FHIT: variants seen among roughly 807,000 people sequenced by gnomAD.
FHIT encodes the protein bis(5'-adenosyl)-triphosphatase.
FHIT carries 19 observed loss-of-function variants against 17.9 expected under a neutral mutation model. The observed-to-expected ratio is 1.06, with a 90% CI of 0.74 to 1.56. The LOEUF is 1.56. Ranked by LOEUF, FHIT falls within the 40% of genes most tolerant of loss-of-function variation. The pLI, the probability that FHIT is intolerant of heterozygous loss-of-function variation, is 0.00. For synonymous variants in FHIT, 81 were observed against 69.7 expected, an observed-to-expected ratio of 1.16 and a Z score of -0.81; for missense variants, 248 against 189.2, an observed-to-expected ratio of 1.31 and a Z score of -1.82.
At chr3:60,560,705 G>A (rs1483915379) in intron 4 of FHIT, among the ~76,000 whole-genome samples, 1 of 151,852 alleles carries the variant, frequency 6.6e-6, no homozygotes, top group Non-Finnish European at 1.5e-5. Context: ...CACAGAAAGA[G>A]GACAGAATAG....
chr3:61,041,693 A>AG (rs1169842286), intron 3 of FHIT, among the ~76,000 whole-genome samples: 11 of 152,274 alleles, frequency 7.2e-5, no homozygotes, highest in East Asian at 1.9e-4. Context: ...CAAAAAAAAA[A>AG]AAAATCCGCT....
chr3:60,504,457 T>G (rs2034649254), intron 5 of FHIT, among the ~76,000 whole-genome samples: 1 of 152,048 alleles, frequency 6.6e-6, no homozygotes, highest in Non-Finnish European at 1.5e-5. Context: ...TTTTTTTGGT[T>G]CAACAAAGCT....
intron 5 of FHIT, among the ~76,000 whole-genome samples, chr3:60,406,484 A>AT: frequency 6.6e-6 from 1 of 152,214 alleles, no homozygotes; most frequent in African/African-American, 2.4e-5. Flanking sequence ...TATGCAGGAA[A>AT]GCGAAAGAGA....
chr3:60,060,100 G>A (rs1338738407), intron 5 of FHIT, among the ~76,000 whole-genome samples: 4 of 152,024 alleles, frequency 2.6e-5, no homozygotes, highest in African/African-American at 9.7e-5. Context: ...CAACAGGAAA[G>A]TGACGTTATT....
At chr3:60,417,841 G>C (rs577098403) in intron 5 of FHIT, among the ~76,000 whole-genome samples, 2 of 152,160 alleles carry the variant, frequency 1.3e-5, no homozygotes, top group African/African-American at 4.8e-5. Context: ...GGCTGTAATG[G>C]ATCCCAGAGG....
intron 2 of FHIT, among the ~76,000 whole-genome samples, chr3:61,193,374 C>T (rs769955795): frequency 6.6e-6 from 1 of 152,130 alleles, no homozygotes; most frequent in Non-Finnish European, 1.5e-5. Flanking sequence ...AAAATGACTA[C>T]CAAGGCCTTG....
At chr3:60,440,584 G>A (rs1282314775) in intron 5 of FHIT, among the ~76,000 whole-genome samples, 2 of 152,020 alleles carry the variant, frequency 1.3e-5, no homozygotes, top group South Asian at 2.1e-4. Flanking sequence ...GAACCTCAGC[G>A]TTAAAAACTT....
At chr3:60,215,269 A>G (rs1057235660) in intron 5 of FHIT, among the ~76,000 whole-genome samples, 5 of 152,188 alleles carry the variant, frequency 3.3e-5, no homozygotes, top group African/African-American at 1.2e-4. Flanking sequence ...AGGCAAGTGG[A>G]TCATGAGGTC....
intron 3 of FHIT, among the ~76,000 whole-genome samples, chr3:60,889,094 C>T (rs1489633903): frequency 6.6e-6 from 1 of 152,236 alleles, no homozygotes; most frequent in Non-Finnish European, 1.5e-5. Context: ...CGATCACCTA[C>T]TCCACCCTGA....
intron 3 of FHIT, among the ~76,000 whole-genome samples, chr3:60,871,869 C>T (rs1265776064): frequency 6.6e-6 from 1 of 151,828 alleles, no homozygotes; most frequent in East Asian, 1.9e-4. Flanking sequence ...TGCTTTGTTG[C>T]CCAGGTTGGT....
At chr3:61,081,910 C>T (rs906717976) in intron 2 of FHIT, among the ~76,000 whole-genome samples, 4 of 152,090 alleles carry the variant, frequency 2.6e-5, no homozygotes, top group Non-Finnish European at 4.4e-5. Flanking sequence ...ACTAACACTC[C>T]CATATTAAAT....
intron 5 of FHIT, among the ~76,000 whole-genome samples, chr3:60,173,438 T>C (rs1055404141): frequency 1.3e-5 from 2 of 152,182 alleles, no homozygotes; most frequent in Non-Finnish European, 2.9e-5. Context: ...TTCCATTTTT[T>C]AGTGGCTTAT....
chr3:60,447,070 T>C (rs193173022), intron 5 of FHIT, among the ~76,000 whole-genome samples: 154 of 152,046 alleles, frequency 1.0e-3, no homozygotes, highest in African/African-American at 3.6e-3. Flanking sequence ...TAGCTGCCTG[T>C]TTTCTCAACT....
intron 5 of FHIT, among the ~76,000 whole-genome samples, chr3:60,351,398 G>C (rs373949041): frequency 6.6e-6 from 1 of 152,182 alleles, no homozygotes; most frequent in African/African-American, 2.4e-5. Flanking sequence ...ATAGTGGAAA[G>C]AGAGGTCTGG....
intron 3 of FHIT, among the ~76,000 whole-genome samples, chr3:60,978,300 G>T (rs1710348314): frequency 3.9e-5 from 6 of 152,200 alleles, no homozygotes; most frequent in Admixed American, 3.3e-4. Context: ...TTCTAGAGTG[G>T]GGCCTCAAAT....
intron 5 of FHIT, among the ~76,000 whole-genome samples, chr3:60,442,950 G>C (rs974075824): frequency 8.6e-5 from 13 of 151,972 alleles, no homozygotes; most frequent in Non-Finnish European, 1.6e-4. Flanking sequence ...TTATTTCATT[G>C]AGCAGTGGTG....
At chr3:61,117,960 T>C (rs1167778061) in intron 2 of FHIT, among the ~76,000 whole-genome samples, 2 of 152,158 alleles carry the variant, frequency 1.3e-5, no homozygotes, top group Non-Finnish European at 2.9e-5. Flanking sequence ...TTTATACAAA[T>C]CAGATTCTAT....
At chr3:60,560,802 GACACACACACAC>G (rs71092614) in intron 4 of FHIT, among the ~76,000 whole-genome samples, 47 of 128,952 alleles carry the variant, frequency 3.6e-4, no homozygotes, top group East Asian at 1.7e-3. Context: ...GATGTAAGGA[GACACACACACAC>G]ACACACACAC....
chr3:61,140,519 G>A (rs562901710), intron 2 of FHIT, among the ~76,000 whole-genome samples: 1 of 152,228 alleles, frequency 6.6e-6, no homozygotes, highest in South Asian at 2.1e-4. Flanking sequence ...CTCCTTGAGG[G>A]CAGGAACTAT....
Sources: allele counts gnomAD v4.1 joint callset (sites outside exome capture counted in the v4.1 genomes callset), GRCh38; gene constraint gnomAD v4.1.1; transcripts MANE v1.5; gene names NCBI Gene and HGNC (gene_info 2026-07-23, HGNC 2026-07-21).